DISC1: variants seen among roughly 807,000 people sequenced by gnomAD.
The protein encoded by DISC1 is DISC1 scaffold protein, also known as disrupted in schizophrenia 1 protein.
In DISC1, 57 loss-of-function variants were observed where a neutral mutation model predicts 84.5. The ratio of observed to expected loss-of-function variants is 0.67; its 90% CI spans 0.55 to 0.84. DISC1 has a LOEUF of 0.84. Among genes scored for constraint, DISC1 ranks in the 40% least tolerant of loss-of-function variants. The probability of loss-of-function intolerance (pLI) is 0.00; values close to 1 mark genes in which losing one functional copy is unlikely to be tolerated. For missense variants in DISC1, 1,000 were observed against 1,057.8 expected (o/e 0.95, Z 0.76); for synonymous variants, 411 against 415.2 (o/e 0.99, Z 0.12).
chr1:231,657,433 TG>T (rs1225065988), intron 1 of DISC1, among the ~76,000 whole-genome samples: 3 of 152,100 alleles, frequency 2.0e-5, no homozygotes, highest in Non-Finnish European at 4.4e-5. Flanking sequence ...TGTCTTCTTT[TG>T]AAAAGTGTCT....
chr1:232,032,490 G>GT (rs1436286587), intron 12 of DISC1, among the ~76,000 whole-genome samples: 1 of 152,178 alleles, frequency 6.6e-6, no homozygotes, highest in Non-Finnish European at 1.5e-5. Context: ...TACCTACCAT[G>GT]TGGATAGTCT....
chr1:231,821,895 T>G (rs2081528894), intron 9 of DISC1, among the ~76,000 whole-genome samples: 1 of 152,020 alleles, frequency 6.6e-6, no homozygotes, highest in Non-Finnish European at 1.5e-5. Flanking sequence ...GTGACGGGGT[T>G]TCACCATGTT....
intron 4 of DISC1, among the ~76,000 whole-genome samples, chr1:231,762,780 A>G (rs2075862454): frequency 6.6e-6 from 1 of 152,128 alleles, no homozygotes. Context: ...CTCCATCCCC[A>G]AACAGCCCCA....
chr1:231,753,349 C>A (rs973049558), intron 4 of DISC1, among the ~76,000 whole-genome samples: 2 of 152,250 alleles, frequency 1.3e-5, no homozygotes, highest in African/African-American at 4.8e-5. Context: ...AGGCTTAACA[C>A]CATGTGGAAA....
At chr1:231,730,001 AC>A (rs142270338) in intron 3 of DISC1, among the ~76,000 whole-genome samples, 1,915 of 152,354 alleles carry the variant, frequency 0.013, 19 homozygotes, top group Non-Finnish European at 0.017. Context: ...CTATAAAAAA[AC>A]AATTATGTCT....
intron 10 of DISC1, among the ~76,000 whole-genome samples, chr1:231,961,068 T>G (rs1156944866): frequency 6.6e-6 from 1 of 152,216 alleles, no homozygotes; most frequent in Non-Finnish European, 1.5e-5. Context: ...CACACCATCT[T>G]CAAGGAACCT....
At chr1:231,682,994 A>G (rs1283658103) in intron 1 of DISC1, among the ~76,000 whole-genome samples, 1 of 152,228 alleles carries the variant, frequency 6.6e-6, no homozygotes, top group African/African-American at 2.4e-5. Flanking sequence ...CGCTGGTGCC[A>G]TCTGTCACCT....
At chr1:231,878,664 G>T (rs7535913) in intron 9 of DISC1, among the ~76,000 whole-genome samples, 51,687 of 151,886 alleles carry the variant, frequency 0.34, 8,960 homozygotes, top group Middle Eastern at 0.41. Context: ...TAATATGCAT[G>T]CAAGAAAGCA....
chr1:231,774,726 G>T (rs1231385999), intron 6 of DISC1: 1 of 455,904 alleles, frequency 2.2e-6, no homozygotes, highest in Non-Finnish European at 4.4e-6. Context: ...TGAGAAGGAA[G>T]ATATGTCTTT....
intron 3 of DISC1, among the ~76,000 whole-genome samples, chr1:231,714,133 C>A (rs543375545): frequency 1.1e-4 from 16 of 151,906 alleles, no homozygotes; most frequent in African/African-American, 3.9e-4. Flanking sequence ...AGAAATAATT[C>A]TATTTATAAT....
chr1:231,867,666 G>T (rs1407601), intron 9 of DISC1, among the ~76,000 whole-genome samples: 126,710 of 152,186 alleles, frequency 0.83, 53,230 homozygotes, highest in East Asian at 0.99. Context: ...TGTTATTGTC[G>T]TGTTACCCAT....
intron 1 of DISC1, among the ~76,000 whole-genome samples, chr1:231,667,886 C>A (rs1572674319): frequency 6.6e-6 from 1 of 151,938 alleles, no homozygotes; most frequent in African/African-American, 2.4e-5. Flanking sequence ...GTCTTATTGA[C>A]ATAAAAAAAG....
At chr1:231,872,756 A>C (rs1265203014) in intron 9 of DISC1, among the ~76,000 whole-genome samples, 1 of 152,212 alleles carries the variant, frequency 6.6e-6, no homozygotes, top group Non-Finnish European at 1.5e-5. Context: ...CCAGTTGAAG[A>C]AAATTCTCGT....
At chr1:231,664,560 G>A (rs1404883564) in intron 1 of DISC1, among the ~76,000 whole-genome samples, 1 of 152,180 alleles carries the variant, frequency 6.6e-6, no homozygotes, top group African/African-American at 2.4e-5. Context: ...GGAGGCAGGA[G>A]TCAAAGTCAG....
chr1:231,782,064 G>T (rs1227980747), intron 6 of DISC1, among the ~76,000 whole-genome samples: 2 of 152,208 alleles, frequency 1.3e-5, no homozygotes, highest in African/African-American at 4.8e-5. Flanking sequence ...TAGATTTCCT[G>T]TAGCTGCTTT....
Position 231,762,482 on chromosome 1 carries a change from G to A in DISC1, c.1269-4658G>A, listed in dbSNP as rs560593211. On this transcript the variant is annotated intron_variant, in intron 4 of 12. Transcript: ENST00000439617. The stretch of plus-strand genomic sequence containing the variant: ...CCCAAGTAGCTGGGACTACAAGCAC[G>A]TGCCACTGTGCCTAATTTTTAGTTT... Among the ~76,000 whole-genome samples the A allele has an allele frequency of 1.2e-4, 18 of 148,412 alleles. 1 individual carries two copies. The South Asian group carries it at 2.8e-3, about 23-fold the overall frequency.
At chr1:231,723,260 G>T (rs2070123181) in intron 3 of DISC1, 3 of 963,322 alleles carry the variant, frequency 3.1e-6, no homozygotes, top group Non-Finnish European at 3.7e-6. Context: ...AAAAAAGTCT[G>T]CCTATGAGTA....
chr1:231,969,559 G>A (rs1661626037), intron 10 of DISC1, among the ~76,000 whole-genome samples: 2 of 150,982 alleles, frequency 1.3e-5, no homozygotes, highest in South Asian at 4.2e-4. Flanking sequence ...AGCATTTTGG[G>A]GTGAAGATAC....
At position 232,038,185 on chromosome 1, in the gene DISC1, A is replaced by G. The variant is rs1308782046; in HGVS notation, c.*1354A>G. 2.0e-5 allele frequency: 3 copies of G among 152,150 alleles called. No homozygotes were observed. Among genetic ancestry groups the G allele is most frequent in the Middle Eastern group, 3.1e-3 (1 of 318 alleles). The allele number at this position is 152,150 out of a possible 1,614,324, so 9.4% of individuals were successfully genotyped here. ...AGCATAGTACTCAGTAACACAGGGC[A>G]GCTAGTACTCAGTACTATAAGTACT... is the stretch of plus-strand genomic sequence containing the variant. On this transcript the variant is annotated 3_prime_UTR_variant, in exon 13 of 13. Coordinates refer to ENST00000439617, the MANE Select transcript of DISC1 (RefSeq NM_018662.3).
Sources: gnomAD v4.1 joint callset for allele counts (sites outside exome capture counted in the v4.1 genomes callset) on GRCh38, gnomAD v4.1.1 for gene constraint, MANE v1.5 for transcripts, NCBI Gene and HGNC (gene_info 2026-07-23, HGNC 2026-07-21) for gene names.